MCIDAS: variants seen among roughly 807,000 people sequenced by gnomAD.
The protein encoded by MCIDAS is multiciliate differentiation and DNA synthesis associated cell cycle protein.
Under a neutral mutation model 35.4 loss-of-function variants are expected in MCIDAS, and 23 were observed. The ratio of observed to expected loss-of-function variants is 0.65; its 90% confidence interval spans 0.47 to 0.92. The LOEUF is 0.92. Ranked by LOEUF, MCIDAS falls within the 40% of genes least tolerant of loss-of-function variation. The pLI is 0.00. For missense variants in MCIDAS, 480 were observed against 531.8 expected (o/e 0.90, Z 0.96); for synonymous variants, 228 against 235.2 (o/e 0.97, Z 0.28).
intron 5 of MCIDAS, 118 bp downstream of exon 5, chr5:55,222,058 C>T (rs1460025808): frequency 1.2e-5 from 11 of 906,604 alleles, no homozygotes; most frequent in Non-Finnish European, 1.7e-5. Flanking sequence ...CGTGAACCAC[C>T]AGTCAGTCCA....
In MCIDAS at chr5:55,226,639, G is replaced by A. The variant is rs935678245; in HGVS notation, c.246C>T (p.Leu82=). ...PALTTIDLQD[L]ADCSSLLGSD... ...ACCCGAGTAGCGAAGAGCAGTCAGC[G>A]AGGTCCTGCAGGTCTATGGTGGTGA... Residue 82 remains leucine, a synonymous_variant, in exon 3 of 7, where the codon CTC becomes CTT. Coordinates refer to ENST00000513312, the MANE Select transcript of MCIDAS (RefSeq NM_001190787.3). 19 of 1,532,624 alleles carry A rather than the reference G, an allele frequency of 1.2e-5. No homozygotes were observed. The African/African-American group carries it at 2.6e-4, about 21-fold the overall frequency. 94.9% of individuals were successfully genotyped at this position (1,532,624 alleles called of 1,614,324 possible).
chr5:55,226,960 G>A (rs1223582917), intron 1 of MCIDAS, 29 bp from the exon 2 acceptor site: 1 of 1,491,026 alleles, frequency 6.7e-7, no homozygotes, highest in South Asian at 1.3e-5. Context: ...GTTGAACGCG[G>A]GTCAGCCCTC....
chr5:55,220,920 C>G lies in MCIDAS; in HGVS notation c.717+96G>C, dbSNP rs1047217023. 6.1e-5 allele frequency: 89 copies of G among 1,452,860 alleles called. No individual in the cohort carries two copies. The Middle Eastern group carries it at 6.3e-4, about 10-fold the overall frequency. 90.0% of individuals were successfully genotyped at this position (1,452,860 alleles called of 1,614,324 possible). Reference sequence around the variant, plus strand: ...ACCACGCACTCAGCGGTACTCTCCTCTCCCGGGCCCCCACGGGTCCCGATG... The same window carrying G: ...ACCACGCACTCAGCGGTACTCTCCTGTCCCGGGCCCCCACGGGTCCCGATG... On this transcript the variant is annotated intron_variant, in intron 6 of 6. Coordinates refer to ENST00000513312, the MANE Select transcript of MCIDAS (RefSeq NM_001190787.3).
rs1291689114 is a variant in MCIDAS, at chr5:55,220,520, A to T, written c.1004T>A (p.Leu335Ter). The stretch of plus-strand genomic sequence containing the variant: ...CTCCAGCTCACTGTGGCTCAGGTTC[A>T]ACGCGCTCCGGCTGCAGTCTGTGCG... ...GLRTDCSRSALNLSHSELEEG... is the reference protein window; with the variant it reads ...GLRTDCSRSA The change falls in exon 7 of 7, where the codon TTG becomes TAG. Residue 335 changes from leucine (L) to a stop codon, truncating the protein, a stop_gained. Coordinates refer to ENST00000513312, the MANE Select transcript of MCIDAS (RefSeq NM_001190787.3). LOFTEE classifies it high-confidence loss of function. 6 of 1,536,082 alleles carry T rather than the reference A, an allele frequency of 3.9e-6. No individual in the cohort carries two copies. Among genetic ancestry groups the T allele is most frequent in the Non-Finnish European group, 5.2e-6 (6 of 1,146,892 alleles).
Position 55,220,694 on chromosome 5 carries a change from C to T in MCIDAS, c.830G>A (p.Cys277Tyr), listed in dbSNP as rs1745337742. ...CCTCAGGATGGCGTCCACTTCCGCG[C>T]AATCCTGCCCCGCAGCGCTGACCAA... is the stretch of plus-strand genomic sequence containing the variant. ...EELVSAAGQDCAEVDAILREI... is the reference protein window; with the variant it reads ...EELVSAAGQDYAEVDAILREI... The change falls in exon 7 of 7, where the codon TGC becomes TAC. Residue 277 changes from cysteine (C) to tyrosine (Y), a missense_variant. Cys to Tyr is a radical substitution (Grantham distance 194, BLOSUM62 -2). Coordinates refer to ENST00000513312, the MANE Select transcript of MCIDAS (RefSeq NM_001190787.3). The T allele has an allele frequency of 6.5e-7, 1 of 1,536,028 alleles. No individual in the cohort carries two copies. The highest frequency in any genetic ancestry group is 8.7e-7 in the Non-Finnish European group (1 of 1,146,812).
chr5:55,225,424 G>A (rs1321085831), intron 3 of MCIDAS, among the ~76,000 whole-genome samples: 2 of 152,128 alleles, frequency 1.3e-5, no homozygotes, highest in Non-Finnish European at 2.9e-5. Context: ...GAGTGACCTA[G>A]GCCTCTGGGT....
Position 55,221,077 on chromosome 5 carries a change from T to A in MCIDAS, c.656A>T (p.Glu219Val), listed in dbSNP as rs1216083741. ...GAGTTCCTTCAGCTGCACGTTCCGC[T>A]CCTTGAGCGAGGCGATCTCCTCCTG... ...QKQEEIASLK[E>V]RNVQLKELAS... The change falls in exon 6 of 7, where the codon GAG becomes GTG. Residue 219 changes from glutamate to valine, a missense_variant. Glu to Val is a moderately radical substitution (Grantham distance 121, BLOSUM62 -2). Transcript: ENST00000513312. The A allele has an allele frequency of 2.0e-6, 3 of 1,536,094 alleles. No homozygotes were observed. The highest frequency in any genetic ancestry group is 2.6e-6 in the Non-Finnish European group (3 of 1,146,898).
At chr5:55,226,485 C>A (rs1395310800) in intron 3 of MCIDAS, 91 bp downstream of exon 3, 4 of 1,328,128 alleles carry the variant, frequency 3.0e-6, no homozygotes, top group Non-Finnish European at 4.0e-6. Flanking sequence ...CGCTCCCGAC[C>A]CGAGAGGAGC....
Position 55,223,084 on chromosome 5 carries a change from A to G in MCIDAS, c.310-61T>C, listed in dbSNP as rs1244975867. On this transcript the variant is annotated intron_variant, in intron 3 of 6. Transcript: ENST00000513312. This position sits in a 1 kb window ranked among gnomAD's most constrained non-coding sequence, Gnocchi z 4.4. ...TCTGGCGTTAGAAAGCCTTCAATAAATATTGGCGTCCCTGTTAAAAATCTG... is the reference window on the plus strand; with the variant it reads ...TCTGGCGTTAGAAAGCCTTCAATAAGTATTGGCGTCCCTGTTAAAAATCTG... 2.9e-6 allele frequency: 4 copies of G among 1,362,378 alleles called. No individual in the cohort carries two copies. In the Admixed American group the frequency reaches 7.9e-5, roughly 27 times the overall value. 84.4% of individuals were successfully genotyped at this position (1,362,378 alleles called of 1,614,324 possible). A position where few individuals can be genotyped will look rare whatever the true frequency, so the allele number is the denominator to read the frequency against.
At chr5:55,222,844 A>T in intron 4 of MCIDAS, 107 bp downstream of exon 4, 273 of 881,436 alleles carry the variant, frequency 3.1e-4, no homozygotes, top group Middle Eastern at 4.4e-4. Context: ...AGAGTCGTTG[A>T]CAGTTGGCTG....
At position 55,223,929 on chromosome 5, in the gene MCIDAS, GGA is replaced by G. The variant is rs1745410516; in HGVS notation, c.310-908_310-907del. On this transcript the variant is annotated intron_variant, in intron 3 of 6. Coordinates refer to ENST00000513312, the MANE Select transcript of MCIDAS (RefSeq NM_001190787.3). The surrounding 1 kb of genome is among the most constrained non-coding windows in gnomAD (Gnocchi z 4.4). ...GAGTGTCTGGGTGTGTGAGAGGAAA[GGA>G]GACCCTAAGGGGCTGGAGGCGCATA... Among the ~76,000 whole-genome samples, 1 of 152,192 alleles carries G rather than the reference GGA, an allele frequency of 6.6e-6. No individual in the cohort carries two copies. Among genetic ancestry groups the G allele is most frequent in the African/African-American group, 2.4e-5 (1 of 41,446 alleles).
At position 55,223,149 on chromosome 5, in the gene MCIDAS, T is replaced by TAC. The variant is rs1745393256; in HGVS notation, c.310-127_310-126insGT. The TAC allele has an allele frequency of 6.8e-6, 5 of 740,712 alleles. No individual in the cohort carries two copies. The highest frequency in any genetic ancestry group is 1.1e-5 in the Non-Finnish European group (5 of 449,040). The allele number at this position is 740,712 out of a possible 1,614,324, so 45.9% of individuals were successfully genotyped here. A position where few individuals can be genotyped will look rare whatever the true frequency, so the allele number is the denominator to read the frequency against. ...ATATATGCACGTAACACAACTGCACTTGTACCCCTAAGTCCCCCCAAATAA... is the reference window on the plus strand; with the variant it reads ...ATATATGCACGTAACACAACTGCACTACTGTACCCCTAAGTCCCCCCAAATAA... On this transcript the variant is annotated intron_variant, in intron 3 of 6. Transcript: ENST00000513312. The surrounding 1 kb of genome is among the most constrained non-coding windows in gnomAD (Gnocchi z 4.4).
intron 5 of MCIDAS, 41 bp downstream of exon 5, chr5:55,222,135 C>T (rs1268937774): frequency 6.6e-7 from 1 of 1,521,876 alleles, no homozygotes. Flanking sequence ...TATATCCTGT[C>T]CCTGCCCCAG....
At chr5:55,226,502 G>A in intron 3 of MCIDAS, 74 bp downstream of exon 3, 1 of 1,417,536 alleles carries the variant, frequency 7.1e-7, no homozygotes, top group African/African-American at 1.4e-5. Flanking sequence ...GAGCTTTTGG[G>A]GAATTAAAAC....
chr5:55,221,935 T>A (rs951156811), intron 5 of MCIDAS, among the ~76,000 whole-genome samples: 10 of 150,902 alleles, frequency 6.6e-5, no homozygotes, highest in Admixed American at 3.3e-4. Flanking sequence ...AAAAAAAAAA[T>A]GAATAAATAA....
chr5:55,226,628 G>A lies in MCIDAS; in HGVS notation c.257C>T (p.Ser86Phe). 2.0e-6 allele frequency: 3 copies of A among 1,533,064 alleles called. No individual in the cohort carries two copies. The highest frequency in any genetic ancestry group is 2.6e-6 in the Non-Finnish European group (3 of 1,145,536). The allele number at this position is 1,533,064 out of a possible 1,614,324, so 95.0% of individuals were successfully genotyped here. ...TIDLQDLADC[S>F]SLLGSDAPPG... ...CGGCGCGTCGGACCCGAGTAGCGAA[G>A]AGCAGTCAGCGAGGTCCTGCAGGTC... Residue 86 changes from serine (S) to phenylalanine (F), a missense_variant, in exon 3 of 7, where the codon TCT becomes TTT. Transcript: ENST00000513312.
At chr5:55,220,928 C>A in intron 6 of MCIDAS, 88 bp downstream of exon 6, 1 of 1,443,272 alleles carries the variant, frequency 6.9e-7, no homozygotes, top group Non-Finnish European at 9.3e-7. Flanking sequence ...CTCTCCCGGG[C>A]CCCCACGGGT....
chr5:55,220,234 A>G lies in MCIDAS; in HGVS notation c.*132T>C. On this transcript the variant is annotated 3_prime_UTR_variant, in exon 7 of 7. Coordinates refer to ENST00000513312, the MANE Select transcript of MCIDAS (RefSeq NM_001190787.3). ...GTTTTGTAGCAGAAATTTACAATGC[A>G]TCGGTATCAAGATGCTTTTGTTCCT... The G allele has an allele frequency of 1.2e-6, 1 of 836,566 alleles. No homozygotes were observed. Among genetic ancestry groups the G allele is most frequent in the Non-Finnish European group, 1.8e-6 (1 of 553,490 alleles). The allele number at this position is 836,566 out of a possible 1,614,324, so 51.8% of individuals were successfully genotyped here. A position where few individuals can be genotyped will look rare whatever the true frequency, so the allele number is the denominator to read the frequency against.
chr5:55,226,694 G>T, intron 2 of MCIDAS, 27 bp from the exon 3 acceptor site: 1 of 1,466,378 alleles, frequency 6.8e-7, no homozygotes, highest in Non-Finnish European at 9.0e-7. Context: ...GGAGACACGC[G>T]CCGGGCGGGC....
Sources: allele counts gnomAD v4.1 joint callset (sites outside exome capture counted in the v4.1 genomes callset), GRCh38; gene constraint gnomAD v4.1.1; non-coding constraint Gnocchi (gnomAD v3.1); transcripts MANE v1.5; gene names NCBI Gene and HGNC (gene_info 2026-07-23, HGNC 2026-07-21).